Variants in CIAPIN1 observed in about 807,000 individuals in gnomAD.
CIAPIN1 encodes cytokine induced apoptosis inhibitor 1, also known as anamorsin.
A neutral mutation model predicts 34.3 loss-of-function variants in CIAPIN1; 18 were observed. That is an observed-to-expected ratio of 0.52 (90% CI 0.36 to 0.78). The LOEUF is 0.78. Ranked by LOEUF, CIAPIN1 falls within the 30% of genes least tolerant of loss-of-function variation. The pLI is 0.00. For missense variants in CIAPIN1, 310 were observed against 372.5 expected, an observed-to-expected ratio of 0.83 and a Z score of 1.38; for synonymous variants, 131 against 140.4, an observed-to-expected ratio of 0.93 and a Z score of 0.47.
chr16:57,440,490 G>C (rs549033622), intron 2 of CIAPIN1, among the ~76,000 whole-genome samples: 1 of 152,246 alleles, frequency 6.6e-6, no homozygotes, highest in Admixed American at 6.5e-5. Flanking sequence ...CCGCCGACAT[G>C]TGATGTCTCC....
In CIAPIN1 at chr16:57,442,386, C is replaced by T. The variant is rs531991104; in HGVS notation, c.-55-1403G>A. ...TAAAAAATAAAAAATTATAGCTGGG[C>T]GTGGTGGCTCATGCCTATTATCCCA... On this transcript the variant is annotated intron_variant, in intron 1 of 8. Transcript: ENST00000394391. Among the ~76,000 whole-genome samples, 410 of 152,108 alleles carry T rather than the reference C, an allele frequency of 2.7e-3. 3 individuals are homozygous for T. Among genetic ancestry groups the T allele is most frequent in the African/African-American group, 9.4e-3 (391 of 41,482 alleles).
chr16:57,433,654 T>TG (rs1334009493), intron 5 of CIAPIN1: 3 of 218,502 alleles, frequency 1.4e-5, no homozygotes, highest in African/African-American at 7.1e-5. Context: ...TTTCCTGGCA[T>TG]GGGGAAAAAA....
intron 1 of CIAPIN1, among the ~76,000 whole-genome samples, chr16:57,444,932 T>C (rs1778746938): frequency 6.6e-6 from 1 of 152,210 alleles, no homozygotes; most frequent in Admixed American, 6.5e-5. Flanking sequence ...GTCACTGAGC[T>C]TGTTGGGTAC....
intron 1 of CIAPIN1, among the ~76,000 whole-genome samples, chr16:57,445,997 C>G (rs1298262446): frequency 1.3e-5 from 2 of 152,064 alleles, no homozygotes; most frequent in Non-Finnish European, 2.9e-5. Context: ...AGGCACCCAC[C>G]ACCACACCCA....
intron 4 of CIAPIN1, among the ~76,000 whole-genome samples, chr16:57,435,825 T>G (rs1235695435): frequency 6.6e-6 from 1 of 151,940 alleles, no homozygotes; most frequent in African/African-American, 2.4e-5. Context: ...AAACAAAGAA[T>G]TTAAGGCCCT....
chr16:57,443,129 TTTTG>T (rs2029913435), intron 1 of CIAPIN1, among the ~76,000 whole-genome samples: 6 of 139,644 alleles, frequency 4.3e-5, no homozygotes, highest in Admixed American at 4.2e-4. Flanking sequence ...ATAATTCTGG[TTTTG>T]TTTTTTTTTT....
At chr16:57,441,634 T>G (rs1459351851) in intron 1 of CIAPIN1, among the ~76,000 whole-genome samples, 1 of 152,216 alleles carries the variant, frequency 6.6e-6, no homozygotes, top group Non-Finnish European at 1.5e-5. Flanking sequence ...GCAATTTACG[T>G]TGCCCAAGTC....
intron 4 of CIAPIN1, among the ~76,000 whole-genome samples, chr16:57,435,781 G>T (rs545870508): frequency 1.3e-5 from 2 of 152,080 alleles, no homozygotes; most frequent in Admixed American, 1.3e-4. Flanking sequence ...GCAACAGAGC[G>T]AGACTGTCTC....
intron 8 of CIAPIN1, among the ~76,000 whole-genome samples, chr16:57,429,552 C>G (rs548682877): frequency 7.1e-6 from 1 of 141,234 alleles, no homozygotes; most frequent in Admixed American, 7.0e-5. Context: ...AGTGCAGTGG[C>G]GCGATCTCAG....
intron 3 of CIAPIN1, among the ~76,000 whole-genome samples, chr16:57,438,465 T>A (rs896593444): frequency 6.6e-6 from 1 of 152,216 alleles, no homozygotes; most frequent in South Asian, 2.1e-4. Context: ...CTTCACTTCG[T>A]CCCTCCCCAC....
chr16:57,447,362 C>T lies in CIAPIN1; in HGVS notation c.-76G>A. 2 of 776,100 alleles carry T rather than the reference C, an allele frequency of 2.6e-6. No homozygotes were observed. Among genetic ancestry groups the T allele is most frequent in the Non-Finnish European group, 3.5e-6 (2 of 570,938 alleles). The allele number at this position is 776,100 out of a possible 1,614,324, so 48.1% of individuals were successfully genotyped here. On this transcript the variant is annotated 5_prime_UTR_variant, in exon 1 of 9. Transcript: ENST00000394391. The stretch of plus-strand genomic sequence containing the variant: ...CTCACCTGCCGCCTGGGCTCGCTCC[C>T]GGCTTCTCTCCAGCCGTCGACTCCA...
chr16:57,443,286 T>C (rs1265839232), intron 1 of CIAPIN1, among the ~76,000 whole-genome samples: 1 of 151,812 alleles, frequency 6.6e-6, no homozygotes, highest in East Asian at 1.9e-4. Flanking sequence ...ATTACAGGCG[T>C]GCACCACCAT....
chr16:57,446,075 A>G (rs1266901662), intron 1 of CIAPIN1, among the ~76,000 whole-genome samples: 2 of 151,970 alleles, frequency 1.3e-5, no homozygotes, highest in African/African-American at 2.4e-5. Flanking sequence ...CGAACTCCTG[A>G]GCTCAAGTGA....
intron 1 of CIAPIN1, among the ~76,000 whole-genome samples, chr16:57,446,573 T>C (rs1054005413): frequency 2.0e-5 from 3 of 152,196 alleles, no homozygotes; most frequent in Non-Finnish European, 2.9e-5. Flanking sequence ...AAGCCTTCTC[T>C]GATGACACCC....
At chr16:57,443,317 T>A (rs916307772) in intron 1 of CIAPIN1, among the ~76,000 whole-genome samples, 32 of 152,156 alleles carry the variant, frequency 2.1e-4, no homozygotes, top group African/African-American at 7.5e-4. Flanking sequence ...TTTTGTATTT[T>A]TTTAGTAGAC....
At chr16:57,435,572 C>A (rs531327129) in intron 4 of CIAPIN1, among the ~76,000 whole-genome samples, 3 of 152,324 alleles carry the variant, frequency 2.0e-5, no homozygotes, top group Admixed American at 1.3e-4. Context: ...GTGGGTAGAT[C>A]ACCTGAGGTC....
At chr16:57,436,267 G>A (rs918975557) in intron 4 of CIAPIN1, among the ~76,000 whole-genome samples, 9 of 152,040 alleles carry the variant, frequency 5.9e-5, no homozygotes, top group Non-Finnish European at 8.8e-5. Flanking sequence ...TCGCTCTGTC[G>A]CCCAGGCTGG....
intron 1 of CIAPIN1, among the ~76,000 whole-genome samples, chr16:57,443,358 T>G (rs1475682014): frequency 6.6e-6 from 1 of 152,136 alleles, no homozygotes; most frequent in Admixed American, 6.5e-5. Context: ...AGGCTGGTCT[T>G]GAACTCCCAG....
At chr16:57,445,838 T>G (rs1036709898) in intron 1 of CIAPIN1, among the ~76,000 whole-genome samples, 1 of 24,446 alleles carries the variant, frequency 4.1e-5, no homozygotes, top group African/African-American at 2.6e-4. Context: ...TTAGAGGTTT[T>G]TTTTTTTTTT....
Sources: allele counts gnomAD v4.1 joint callset (sites outside exome capture counted in the v4.1 genomes callset), GRCh38; gene constraint gnomAD v4.1.1; transcripts MANE v1.5; gene names NCBI Gene and HGNC (gene_info 2026-07-23, HGNC 2026-07-21).